The following RBM20 variants were observed in gnomAD, a reference collection of about 807,000 sequenced individuals.
RBM20 encodes RNA-binding protein 20.
Under a neutral mutation model 110.1 loss-of-function variants are expected in RBM20, and 51 were observed. The ratio of observed to expected loss-of-function variants is 0.46; its 90% CI spans 0.37 to 0.59. The LOEUF (loss-of-function observed/expected upper bound fraction) is 0.59, where lower values mean the gene tolerates loss of function less well. Among genes scored for constraint, RBM20 ranks in the 20% least tolerant of loss-of-function variants. RBM20 has a pLI of 0.00. For missense variants in RBM20, 1,512 were observed against 1,574.9 expected (o/e 0.96, Z 0.68); for synonymous variants, 589 against 618.2 (o/e 0.95, Z 0.70).
intron 1 of RBM20, among the ~76,000 whole-genome samples, chr10:110,681,033 C>G (rs1405980679): frequency 6.6e-6 from 1 of 152,194 alleles, no homozygotes; most frequent in African/African-American, 2.4e-5. Flanking sequence ...TGGTTTCTGT[C>G]TAGGGGGCAC....
At chr10:110,646,482 A>C (rs1183268054) in intron 1 of RBM20, among the ~76,000 whole-genome samples, 1 of 152,184 alleles carries the variant, frequency 6.6e-6, no homozygotes, top group Non-Finnish European at 1.5e-5. Context: ...AGACCTCAAG[A>C]AGCGCCTCAT....
At position 110,644,563 on chromosome 10, in the gene RBM20, G is replaced by C. The variant is rs1327144634; in HGVS notation, c.109G>C (p.Gly37Arg). 1 of 1,525,374 alleles carries C rather than the reference G, an allele frequency of 6.6e-7. No individual in the cohort carries two copies. Among genetic ancestry groups the C allele is most frequent in the East Asian group, 2.6e-5 (1 of 38,952 alleles). 94.5% of individuals were successfully genotyped at this position (1,525,374 alleles called of 1,614,324 possible). A position where few individuals can be genotyped will look rare whatever the true frequency, so the allele number is the denominator to read the frequency against. ...TGCCCGGGCGTCCCCGGCACCCTCC[G>C]GCCCGCGAGGGATGCAGCAGCCGCC... is the stretch of plus-strand genomic sequence containing the variant. ...PGARASPAPSGPRGMQQPPPP... is the reference protein window; with the variant it reads ...PGARASPAPSRPRGMQQPPPP... The change falls in exon 1 of 14, where the codon GGC (glycine) becomes CGC (arginine). Residue 37 changes from glycine (G) to arginine (R), a missense_variant. Transcript: ENST00000369519. This position sits in a 1 kb window ranked among gnomAD's most constrained non-coding sequence, Gnocchi z 4.3.
chr10:110,743,662 G>A (rs1282579141), intron 1 of RBM20, among the ~76,000 whole-genome samples: 1 of 152,094 alleles, frequency 6.6e-6, no homozygotes, highest in Admixed American at 6.5e-5. Flanking sequence ...TGTTGCCCAG[G>A]CTGGAGTGCA....
Position 110,838,113 on chromosome 10 carries a change from CA to C in RBM20, c.*2136del, listed in dbSNP as rs1158108043. On this transcript the variant is annotated 3_prime_UTR_variant, in exon 14 of 14. Transcript: ENST00000369519. The stretch of plus-strand genomic sequence containing the variant: ...ATAAGGAAAGCAGCTTTGAGATGAC[CA>C]GTCTGGTTTTTGTTCTTTGTGTCTG... The C allele has an allele frequency of 6.6e-6, 1 of 152,130 alleles. No individual in the cohort carries two copies. Among genetic ancestry groups the C allele is most frequent in the African/African-American group, 2.4e-5 (1 of 41,418 alleles). 9.4% of individuals were successfully genotyped at this position (152,130 alleles called of 1,614,324 possible). A position where few individuals can be genotyped will look rare whatever the true frequency, so the allele number is the denominator to read the frequency against.
chr10:110,830,989 G>C, intron 12 of RBM20, 72 bp from the exon 13 acceptor site: 1 of 1,442,100 alleles, frequency 6.9e-7, no homozygotes, highest in South Asian at 1.4e-5. Flanking sequence ...TCTACCTGAT[G>C]GCTGCCAGGA....
intron 12 of RBM20, among the ~76,000 whole-genome samples, 160 bp from the exon 13 acceptor site, chr10:110,830,901 A>C (rs1845042454): frequency 1.3e-5 from 2 of 152,164 alleles, no homozygotes; most frequent in Admixed American, 1.3e-4. Context: ...TCTGCAAGTG[A>C]GGAAACTGAG....
At chr10:110,671,728 C>G (rs993339234) in intron 1 of RBM20, among the ~76,000 whole-genome samples, 1 of 137,692 alleles carries the variant, frequency 7.3e-6, no homozygotes, top group Non-Finnish European at 1.6e-5. Flanking sequence ...TAAAATGACA[C>G]TGTTTAAGAT....
intron 1 of RBM20, among the ~76,000 whole-genome samples, chr10:110,677,459 C>T (rs534425266): frequency 8.5e-5 from 13 of 152,192 alleles, no homozygotes; most frequent in African/African-American, 2.9e-4. Context: ...GCTGGGACTA[C>T]GGGTGCCCAC....
At chr10:110,780,159 A>G (rs1423422397) in intron 1 of RBM20, among the ~76,000 whole-genome samples, 1 of 152,106 alleles carries the variant, frequency 6.6e-6, no homozygotes, top group Non-Finnish European at 1.5e-5. Context: ...GAATGTCCTA[A>G]ATGTTACATA....
rs116442272 is a variant in RBM20 at position 110,784,813 on chromosome 10, C to T, written c.1451C>T (p.Thr484Ile). 186 of 1,550,428 alleles carry T rather than the reference C, an allele frequency of 1.2e-4. No homozygotes were observed. In the African/African-American group the frequency reaches 1.8e-3, roughly 15 times the overall value. Reference sequence around the variant, plus strand: ...TTAGATTATGCCTCAAATCTTGGAACATCATACGTGCCCATTCCAGCAAGG... The same window carrying T: ...TTAGATTATGCCTCAAATCTTGGAATATCATACGTGCCCATTCCAGCAAGG... Reference protein sequence around the residue: ...GNEDYASNLGTSYVPIPARSF... With the variant: ...GNEDYASNLGISYVPIPARSF... The change falls in exon 5 of 14, where the codon ACA (threonine) becomes ATA (isoleucine). Residue 484 changes from threonine (T) to isoleucine (I), a missense_variant. Transcript: ENST00000369519.
At position 110,690,405 on chromosome 10, in the gene RBM20, C is replaced by CA. The variant is rs11447889; in HGVS notation, c.191+45769dup. Among the ~76,000 whole-genome samples the CA allele has an allele frequency of 3.2e-3, 479 of 148,744 alleles. 3 individuals carry two copies. The highest frequency in any genetic ancestry group is 0.01 in the African/African-American group (417 of 40,514). ...TGTGCAATAGAGCAAGACCCTGTCT[C>CA]AAAAAAAAACAAAAAAACAAAACCT... On this transcript the variant is annotated intron_variant, in intron 1 of 13. Transcript: ENST00000369519.
Position 110,782,805 on chromosome 10 carries a change from C to T in RBM20, c.1276-561C>T, listed in dbSNP as rs528592821. On this transcript the variant is annotated intron_variant, in intron 2 of 13. Transcript: ENST00000369519. ...ATGTCCTTGCAGAGTGTGAGTCACACTGCAGCATGTCATTCACCTCTGTTT... is the reference window on the plus strand; with the variant it reads ...ATGTCCTTGCAGAGTGTGAGTCACATTGCAGCATGTCATTCACCTCTGTTT... 4.1e-4 allele frequency among the ~76,000 whole-genome samples: 62 copies of T among 152,304 alleles called. No individual in the cohort carries two copies. The South Asian group carries it at 0.013, about 31-fold the overall frequency.
chr10:110,690,073 TTA>T (rs1862565878), intron 1 of RBM20, among the ~76,000 whole-genome samples: 1 of 152,226 alleles, frequency 6.6e-6, no homozygotes, highest in African/African-American at 2.4e-5. Flanking sequence ...TGGCCTTTTT[TTA>T]TTGTGGTTAA....
chr10:110,786,718 C>T (rs981492419), intron 5 of RBM20, among the ~76,000 whole-genome samples: 4 of 152,210 alleles, frequency 2.6e-5, no homozygotes, highest in African/African-American at 9.7e-5. Context: ...ACCTTGTGTC[C>T]TGATGGGGGT....
chr10:110,705,437 T>G (rs930430633), intron 1 of RBM20, among the ~76,000 whole-genome samples: 1 of 152,254 alleles, frequency 6.6e-6, no homozygotes, highest in East Asian at 1.9e-4. Context: ...TATCACTGTT[T>G]ATACCAAATC....
chr10:110,734,426 G>A (rs972863843), intron 1 of RBM20, among the ~76,000 whole-genome samples: 1 of 152,160 alleles, frequency 6.6e-6, no homozygotes, highest in African/African-American at 2.4e-5. Flanking sequence ...TTTACTTTCA[G>A]ATACAGTTTT....
At chr10:110,662,858 G>T (rs920031542) in intron 1 of RBM20, among the ~76,000 whole-genome samples, 39 of 152,264 alleles carry the variant, frequency 2.6e-4, no homozygotes, top group Middle Eastern at 3.4e-3. Flanking sequence ...CAGCCTGTAG[G>T]CTCTGATCTT....
rs545569871 is a variant in RBM20, at chr10:110,645,702, G to C, written c.191+1057G>C. Among the ~76,000 whole-genome samples the C allele has an allele frequency of 7.9e-5, 12 of 152,306 alleles. No individual in the cohort carries two copies. In the East Asian group the frequency reaches 2.1e-3, roughly 27 times the overall value. Reference sequence around the variant, plus strand: ...TTAAGTATTTATTGTTTTGAAGACTGATTTATCTAATAGAAAGAATTGTGA... The same window carrying C: ...TTAAGTATTTATTGTTTTGAAGACTCATTTATCTAATAGAAAGAATTGTGA... On this transcript the variant is annotated intron_variant, in intron 1 of 13. Coordinates refer to ENST00000369519, the MANE Select transcript of RBM20 (RefSeq NM_001134363.3).
At chr10:110,662,044 A>G (rs1344229486) in intron 1 of RBM20, among the ~76,000 whole-genome samples, 1 of 151,040 alleles carries the variant, frequency 6.6e-6, no homozygotes, top group Non-Finnish European at 1.5e-5. Flanking sequence ...ATTGAGTGGC[A>G]GAGTCTATAT....
Sources: gnomAD v4.1 joint callset for allele counts (sites outside exome capture counted in the v4.1 genomes callset) on GRCh38, gnomAD v4.1.1 for gene constraint, Gnocchi (gnomAD v3.1) non-coding constraint, MANE v1.5 for transcripts, NCBI Gene and HGNC (gene_info 2026-07-23, HGNC 2026-07-21) for gene names.